ACSM1: variants seen among roughly 807,000 people sequenced by gnomAD.
ACSM1 encodes acyl-CoA synthetase medium chain family member 1.
ACSM1 carries 79 observed loss-of-function variants against 75.8 expected under a neutral mutation model. That is an observed-to-expected ratio of 1.04 (90% CI 0.87 to 1.26). ACSM1 has a LOEUF of 1.26. ACSM1 is among the 50% of genes most tolerant of loss of function. The probability of loss-of-function intolerance (pLI) is 0.00; values close to 1 mark genes in which losing one functional copy is unlikely to be tolerated. For missense variants in ACSM1, 676 were observed against 720.1 expected, an observed-to-expected ratio of 0.94 and a Z score of 0.70; for synonymous variants, 279 against 265.8, an observed-to-expected ratio of 1.05 and a Z score of -0.48.
rs1466829511 is a variant in ACSM1, at chr16:20,654,512, G to A, written c.992+7282C>T. Among the ~76,000 whole-genome samples, 3 of 152,218 alleles carry A rather than the reference G, an allele frequency of 2.0e-5. No homozygotes were observed. In the South Asian group the frequency reaches 6.2e-4, roughly 32 times the overall value. ...TTGCCATCTACTCATCTGACAAAGG[G>A]CTAATATCCAGAATCTACAAACAAC... On this transcript the variant is annotated intron_variant, in intron 7 of 13. Transcript: ENST00000520010.
In ACSM1 at chr16:20,671,690, C is replaced by T; in HGVS notation, c.612-19G>A. ...TGCTGATCTGCAAAGGGGTTCAAGA[C>T]AAAAGGAAAAAAGTCATGATTGCTG... On this transcript the variant is annotated intron_variant, in intron 4 of 13. Coordinates refer to ENST00000520010, the MANE Select transcript of ACSM1 (RefSeq NM_001318890.3). 1 of 1,509,696 alleles carries T rather than the reference C, an allele frequency of 6.6e-7. No homozygotes were observed. The highest frequency in any genetic ancestry group is 8.9e-7 in the Non-Finnish European group (1 of 1,125,552). 93.5% of individuals were successfully genotyped at this position (1,509,696 alleles called of 1,614,324 possible). A position where few individuals can be genotyped will look rare whatever the true frequency, so the allele number is the denominator to read the frequency against.
intron 3 of ACSM1, among the ~76,000 whole-genome samples, chr16:20,683,330 G>A (rs1215345836): frequency 1.3e-5 from 2 of 151,852 alleles, no homozygotes; most frequent in East Asian, 1.9e-4. Context: ...TTTTCACCAG[G>A]TTGGCCAGGA....
chr16:20,678,546 G>A (rs1048533379), intron 4 of ACSM1, among the ~76,000 whole-genome samples: 2 of 152,178 alleles, frequency 1.3e-5, no homozygotes, highest in African/African-American at 2.4e-5. Context: ...ACCTTTTCAG[G>A]ATAAGTCAAG....
chr16:20,677,181 G>A (rs234278), intron 4 of ACSM1, among the ~76,000 whole-genome samples: 25,919 of 149,644 alleles, frequency 0.17, 2,963 homozygotes, highest in African/African-American at 0.33. Flanking sequence ...GAAAGAAAGA[G>A]CCCCTCCTCT....
At position 20,648,904 on chromosome 16, in the gene ACSM1, G is replaced by A. The variant is rs376618086; in HGVS notation, c.993-8320C>T. On this transcript the variant is annotated intron_variant, in intron 7 of 13. Coordinates refer to ENST00000520010, the MANE Select transcript of ACSM1 (RefSeq NM_001318890.3). This position sits in a 1 kb window ranked among gnomAD's most constrained non-coding sequence, Gnocchi z 4.2. Reference sequence around the variant, plus strand: ...GCACATGTTCTCAAGATCTGCTGAGGCTGTGTCACAGGCATGTCTTTAACC... The same window carrying A: ...GCACATGTTCTCAAGATCTGCTGAGACTGTGTCACAGGCATGTCTTTAACC... 6.6e-5 allele frequency among the ~76,000 whole-genome samples: 10 copies of A among 152,312 alleles called. No homozygotes were observed. Among genetic ancestry groups the A allele is most frequent in the African/African-American group, 2.2e-4 (9 of 41,584 alleles).
intron 2 of ACSM1, among the ~76,000 whole-genome samples, chr16:20,686,460 G>C (rs1419375898): frequency 6.6e-6 from 1 of 151,972 alleles, no homozygotes; most frequent in Non-Finnish European, 1.5e-5. Flanking sequence ...CACACACTGG[G>C]GCCAGTCTGA....
intron 4 of ACSM1, chr16:20,674,134 G>A: frequency 4.5e-6 from 2 of 443,480 alleles, no homozygotes; most frequent in Middle Eastern, 3.3e-4. Flanking sequence ...ATTAAAGAAT[G>A]TGTAAGCAAA....
intron 5 of ACSM1, among the ~76,000 whole-genome samples, chr16:20,670,853 T>C (rs752998973): frequency 1.3e-5 from 2 of 152,198 alleles, no homozygotes; most frequent in Admixed American, 6.6e-5. Flanking sequence ...CCTCTTCGGG[T>C]TAATACAAAA....
In ACSM1 at chr16:20,636,729, G is replaced by A. The variant is rs2017734369; in HGVS notation, c.1299+10C>T. 1 of 1,608,244 alleles carries A rather than the reference G, an allele frequency of 6.2e-7. No homozygotes were observed. The highest frequency in any genetic ancestry group is 1.3e-5 in the African/African-American group (1 of 74,754). Reference sequence around the variant, plus strand: ...TGGGGCCAGGATGGGGGCAGATGGGGGGTCATTACCTCATAGCACATGAAG... The same window carrying A: ...TGGGGCCAGGATGGGGGCAGATGGGAGGTCATTACCTCATAGCACATGAAG... On this transcript the variant is annotated intron_variant, in intron 10 of 13. Coordinates refer to ENST00000520010, the MANE Select transcript of ACSM1 (RefSeq NM_001318890.3).
At chr16:20,628,396 T>C (rs1596783152) in intron 10 of ACSM1, among the ~76,000 whole-genome samples, 5 of 152,186 alleles carry the variant, frequency 3.3e-5, no homozygotes, top group Admixed American at 6.5e-5. Flanking sequence ...GGTGCTCTTT[T>C]ATAACCACAC....
Position 20,675,007 on chromosome 16 carries a change from G to A in ACSM1, c.612-3336C>T, listed in dbSNP as rs114478494. ...AAAGTGGTTCACTGGTGGAGAAAATGGGCCGATACAGCGGCAAGTGCAGCA... is the reference window on the plus strand; with the variant it reads ...AAAGTGGTTCACTGGTGGAGAAAATAGGCCGATACAGCGGCAAGTGCAGCA... On this transcript the variant is annotated intron_variant, in intron 4 of 13. Coordinates refer to ENST00000520010, the MANE Select transcript of ACSM1 (RefSeq NM_001318890.3). 5.6e-3 allele frequency among the ~76,000 whole-genome samples: 857 copies of A among 152,302 alleles called. 6 individuals are homozygous for A. The highest frequency in any genetic ancestry group is 0.019 in the African/African-American group (796 of 41,556).
intron 7 of ACSM1, among the ~76,000 whole-genome samples, chr16:20,650,009 A>G (rs1001864905): frequency 2.0e-5 from 3 of 152,154 alleles, no homozygotes; most frequent in South Asian, 2.1e-4. Flanking sequence ...GAGTTGCCCA[A>G]ACTTGGAGCT....
At chr16:20,651,838 G>T (rs902376903) in intron 7 of ACSM1, among the ~76,000 whole-genome samples, 6 of 151,916 alleles carry the variant, frequency 3.9e-5, no homozygotes, top group Non-Finnish European at 8.8e-5. Context: ...AAAATTATTG[G>T]TAAAATAATA....
At chr16:20,635,626 TTC>T (rs1246565275) in intron 10 of ACSM1, among the ~76,000 whole-genome samples, 1 of 121,224 alleles carries the variant, frequency 8.2e-6, no homozygotes, top group Admixed American at 8.7e-5. Flanking sequence ...CTTTCTTTCT[TTC>T]TTTCTTTCTT....
rs1465290860 is a variant in ACSM1 at position 20,648,934 on chromosome 16, C to CA, written c.993-8351dup. 2.6e-5 allele frequency among the ~76,000 whole-genome samples: 4 copies of CA among 152,168 alleles called. No homozygotes were observed. Among genetic ancestry groups the CA allele is most frequent in the African/African-American group, 9.6e-5 (4 of 41,454 alleles). ...GTCACAGGCATGTCTTTAACCTTGG[C>CA]AAAATAACCTCTAAATTGATTGAGA... is the stretch of plus-strand genomic sequence containing the variant. On this transcript the variant is annotated intron_variant, in intron 7 of 13. Transcript: ENST00000520010. The surrounding 1 kb of genome is among the most constrained non-coding windows in gnomAD (Gnocchi z 4.2).
Position 20,669,903 on chromosome 16 carries a change from A to G in ACSM1, c.836T>C (p.Leu279Pro), listed in dbSNP as rs555477510. ...ACAACCCGCTGTCCATGGTTCTACC[A>G]GGGTCCAAATGGTAGCCACAATCCA... is the stretch of plus-strand genomic sequence containing the variant. ...SGWIVATIWT[L>P]VEPWTAGCTV... The change falls in exon 6 of 14, where the codon CTG becomes CCG. Residue 279 changes from leucine to proline, a missense_variant. Coordinates refer to ENST00000520010, the MANE Select transcript of ACSM1 (RefSeq NM_001318890.3). The G allele has an allele frequency of 1.2e-6, 2 of 1,613,994 alleles. No homozygotes were observed. The highest frequency in any genetic ancestry group is 1.7e-6 in the Non-Finnish European group (2 of 1,179,914).
chr16:20,657,646 G>A (rs1450751866), intron 7 of ACSM1, among the ~76,000 whole-genome samples: 1 of 151,834 alleles, frequency 6.6e-6, no homozygotes, highest in East Asian at 1.9e-4. Context: ...TAGGGTACAT[G>A]TGCACAACGT....
intron 7 of ACSM1, among the ~76,000 whole-genome samples, chr16:20,660,887 C>A (rs915372060): frequency 6.6e-6 from 1 of 152,032 alleles, no homozygotes; most frequent in Non-Finnish European, 1.5e-5. Context: ...AAGATAACAC[C>A]ACACACCCAC....
At chr16:20,666,232 C>T (rs1024938349) in intron 6 of ACSM1, among the ~76,000 whole-genome samples, 1 of 152,062 alleles carries the variant, frequency 6.6e-6, no homozygotes, top group Non-Finnish European at 1.5e-5. Context: ...TTAAAAAACC[C>T]TAAAAACTCT....
Sources: gnomAD v4.1 joint callset for allele counts (sites outside exome capture counted in the v4.1 genomes callset) on GRCh38, gnomAD v4.1.1 for gene constraint, Gnocchi (gnomAD v3.1) non-coding constraint, MANE v1.5 for transcripts, NCBI Gene and HGNC (gene_info 2026-07-23, HGNC 2026-07-21) for gene names.